MTHFD1L: variants seen among roughly 807,000 people sequenced by gnomAD.
MTHFD1L encodes monofunctional C1-tetrahydrofolate synthase, mitochondrial.
In MTHFD1L, 81 loss-of-function variants were observed where a neutral mutation model predicts 119.5. The ratio of observed to expected loss-of-function variants is 0.68; its 90% CI spans 0.57 to 0.82. The LOEUF (loss-of-function observed/expected upper bound fraction) is 0.82, where lower values mean the gene tolerates loss of function less well. MTHFD1L is among the 40% of genes least tolerant of loss of function. The pLI is 0.00. For missense variants in MTHFD1L, 1,125 were observed against 1,253.4 expected, an observed-to-expected ratio of 0.90 and a Z score of 1.55; for synonymous variants, 430 against 475.2, an observed-to-expected ratio of 0.90 and a Z score of 1.24.
At chr6:151,098,786 G>A (rs1033292400) in intron 27 of MTHFD1L, among the ~76,000 whole-genome samples, 1 of 152,130 alleles carries the variant, frequency 6.6e-6, no homozygotes, top group South Asian at 2.1e-4. Flanking sequence ...CAACAGATTC[G>A]TTTTTACATT....
rs1787933984 is a variant in MTHFD1L at position 151,045,885 on chromosome 6, G to GT, written c.2847+8769dup. On this transcript the variant is annotated intron_variant, in intron 26 of 27. Transcript: ENST00000367321. ...TCCTCCACAACCCAGGGAAAGCTACGTGTGTGTCTGTCCCATAGGGAAGGA... is the reference window on the plus strand; with the variant it reads ...TCCTCCACAACCCAGGGAAAGCTACGTTGTGTGTCTGTCCCATAGGGAAGGA... Among the ~76,000 whole-genome samples, 4 of 152,286 alleles carry GT rather than the reference G, an allele frequency of 2.6e-5. No individual in the cohort carries two copies. In the South Asian group the frequency reaches 8.3e-4, roughly 32 times the overall value.
At chr6:150,940,444 G>A (rs896238561) in intron 13 of MTHFD1L, among the ~76,000 whole-genome samples, 1 of 152,134 alleles carries the variant, frequency 6.6e-6, no homozygotes, top group Non-Finnish European at 1.5e-5. Context: ...AGAACCAGGA[G>A]GCCAAATTAG....
At chr6:151,041,784 A>G in intron 26 of MTHFD1L, 1 of 532,510 alleles carries the variant, frequency 1.9e-6, no homozygotes, top group South Asian at 1.4e-5. Context: ...AGGGAGGCAG[A>G]GAAGCTCCCC....
chr6:150,976,230 C>T (rs913976800), intron 20 of MTHFD1L, among the ~76,000 whole-genome samples: 1 of 152,234 alleles, frequency 6.6e-6, no homozygotes, highest in Middle Eastern at 3.4e-3. Context: ...GAAGCAGCTT[C>T]GCATGCTCTT....
Position 150,949,017 on chromosome 6 carries a change from T to A in MTHFD1L, c.1624-14T>A. The A allele has an allele frequency of 6.2e-7, 1 of 1,603,972 alleles. No individual in the cohort carries two copies. Among genetic ancestry groups the A allele is most frequent in the Non-Finnish European group, 8.5e-7 (1 of 1,171,442 alleles). On this transcript the variant is annotated splice_polypyrimidine_tract_variant and intron_variant, in intron 15 of 27. Transcript: ENST00000367321. ...CTTCTCAAACTTCTCACCTTTTTTC[T>A]TCTTAATCATTAGAAACTGGGAATA...
rs1417561117 is a variant in MTHFD1L at position 151,084,981 on chromosome 6, AAAAAT to A, written c.2848-7484_2848-7480del. 4.4e-3 allele frequency among the ~76,000 whole-genome samples: 516 copies of A among 117,932 alleles called. 2 individuals carry two copies. The highest frequency in any genetic ancestry group is 0.013 in the Middle Eastern group (3 of 228). 77.4% of individuals were successfully genotyped at this position (117,932 alleles called of 152,430 possible). On this transcript the variant is annotated intron_variant, in intron 26 of 27. Transcript: ENST00000367321. ...GACTCCATCTCAAAGAAAAAAAAAA[AAAAAT>A]ATATATATATATATATATGTATATA... is the stretch of plus-strand genomic sequence containing the variant.
intron 19 of MTHFD1L, among the ~76,000 whole-genome samples, chr6:150,965,793 GTTGT>G (rs796190180): frequency 3.3e-5 from 5 of 151,882 alleles, no homozygotes; most frequent in Admixed American, 2.0e-4. Flanking sequence ...CTTTTTTATT[GTTGT>G]TTGTTTGTTT....
chr6:151,049,097 T>C (rs1277820017), intron 26 of MTHFD1L, among the ~76,000 whole-genome samples: 2 of 152,172 alleles, frequency 1.3e-5, no homozygotes, highest in African/African-American at 4.8e-5. Flanking sequence ...GGCTCATGCC[T>C]GTAATGCCAA....
At chr6:151,041,060 C>T (rs1787026802) in intron 26 of MTHFD1L, among the ~76,000 whole-genome samples, 2 of 152,172 alleles carry the variant, frequency 1.3e-5, no homozygotes, top group Non-Finnish European at 2.9e-5. Context: ...CACACGGGGT[C>T]GCAGTGAGCG....
At chr6:150,935,559 A>G in intron 11 of MTHFD1L, 1 of 1,487,434 alleles carries the variant, frequency 6.7e-7, no homozygotes, top group Non-Finnish European at 9.2e-7. Context: ...CAGAAAAAGA[A>G]AAGATGAATA....
chr6:150,930,554 T>A (rs1010065217), intron 11 of MTHFD1L, among the ~76,000 whole-genome samples: 3 of 152,010 alleles, frequency 2.0e-5, no homozygotes, highest in African/African-American at 4.8e-5. Context: ...TAACTCAATA[T>A]TTTATTTATA....
chr6:150,934,363 A>G (rs755567511), intron 11 of MTHFD1L, among the ~76,000 whole-genome samples: 9 of 152,226 alleles, frequency 5.9e-5, no homozygotes, highest in Non-Finnish European at 1.3e-4. Context: ...ACATTCCCAG[A>G]TGTTCAAATC....
chr6:150,924,642 ATTTG>A (rs1374592870), intron 10 of MTHFD1L, among the ~76,000 whole-genome samples: 2 of 151,464 alleles, frequency 1.3e-5, no homozygotes, highest in Non-Finnish European at 2.9e-5. Context: ...CACCTGGCTA[ATTTG>A]TTTGTATTTT....
At chr6:151,068,011 A>G (rs2128613153) in intron 26 of MTHFD1L, among the ~76,000 whole-genome samples, 1 of 152,352 alleles carries the variant, frequency 6.6e-6, no homozygotes. Context: ...GGGAGAAGCA[A>G]GAGGACTTGA....
chr6:150,945,995 A>G (rs803443), intron 15 of MTHFD1L, among the ~76,000 whole-genome samples: 52,255 of 152,042 alleles, frequency 0.34, 9,240 homozygotes, highest in South Asian at 0.51. Context: ...GCAACACAGC[A>G]AGAGCCCATC....
At chr6:150,949,745 A>G (rs898508263) in intron 16 of MTHFD1L, among the ~76,000 whole-genome samples, 2 of 152,074 alleles carry the variant, frequency 1.3e-5, no homozygotes, top group African/African-American at 4.8e-5. Context: ...CCTCAGTCTC[A>G]TCGCTCACTA....
intron 20 of MTHFD1L, among the ~76,000 whole-genome samples, chr6:150,986,951 C>T (rs1369143812): frequency 6.6e-6 from 1 of 152,182 alleles, no homozygotes; most frequent in Non-Finnish European, 1.5e-5. Flanking sequence ...ATCTGCCCCC[C>T]TCAGCCTCTC....
intron 27 of MTHFD1L, among the ~76,000 whole-genome samples, chr6:151,100,237 C>T (rs991334009): frequency 6.6e-6 from 1 of 151,966 alleles, no homozygotes; most frequent in African/African-American, 2.4e-5. Flanking sequence ...GGGGTTTCAC[C>T]GTGTTAGACA....
intron 17 of MTHFD1L, among the ~76,000 whole-genome samples, chr6:150,959,815 G>T (rs535357781): frequency 1.2e-4 from 19 of 152,306 alleles, no homozygotes; most frequent in South Asian, 6.2e-4. Context: ...GATGCATATT[G>T]TATGCCTACT....
Sources: allele counts gnomAD v4.1 joint callset (sites outside exome capture counted in the v4.1 genomes callset), GRCh38; gene constraint gnomAD v4.1.1; transcripts MANE v1.5; gene names NCBI Gene and HGNC (gene_info 2026-07-23, HGNC 2026-07-21).